Variants in KIAA1217 observed in about 807,000 individuals in gnomAD.
KIAA1217 encodes sickle tail protein homolog.
Under a neutral mutation model 163.9 loss-of-function variants are expected in KIAA1217, and 88 were observed. The ratio of observed to expected loss-of-function variants is 0.54; its 90% CI spans 0.45 to 0.64. The LOEUF (loss-of-function observed/expected upper bound fraction) is 0.64, where lower values mean the gene tolerates loss of function less well. KIAA1217 is among the 30% of genes least tolerant of loss of function. KIAA1217 has a pLI of 0.00. For synonymous variants in KIAA1217, 903 were observed against 923.1 expected, an observed-to-expected ratio of 0.98 and a Z score of 0.39; for missense variants, 2,372 against 2,475.0, an observed-to-expected ratio of 0.96 and a Z score of 0.88.
intron 1 of KIAA1217, among the ~76,000 whole-genome samples, chr10:23,805,996 C>CAAAAA (rs71397917): frequency 0.017 from 509 of 29,602 alleles, no homozygotes; most frequent in Middle Eastern, 0.033. Context: ...AACTCCATCT[C>CAAAAA]AAAAAAAAAA....
chr10:23,954,740 C>T (rs1483126431), intron 1 of KIAA1217, among the ~76,000 whole-genome samples: 1 of 152,088 alleles, frequency 6.6e-6, no homozygotes, highest in African/African-American at 2.4e-5. Flanking sequence ...CTTTAATCCT[C>T]GGAGCAAACT....
intron 5 of KIAA1217, among the ~76,000 whole-genome samples, chr10:24,464,184 C>G (rs2062706856): frequency 6.6e-6 from 1 of 152,186 alleles, no homozygotes; most frequent in Non-Finnish European, 1.5e-5. Flanking sequence ...CTTGGGTGAG[C>G]TTGGCGCTTG....
chr10:24,270,664 C>T (rs1294315003), intron 2 of KIAA1217, among the ~76,000 whole-genome samples: 1 of 152,168 alleles, frequency 6.6e-6, no homozygotes, highest in African/African-American at 2.4e-5. Flanking sequence ...CCTCAGCCGC[C>T]TAAGTAACTG....
At chr10:24,424,460 G>T (rs1162319282) in intron 3 of KIAA1217, among the ~76,000 whole-genome samples, 3 of 152,168 alleles carry the variant, frequency 2.0e-5, no homozygotes, top group Admixed American at 6.5e-5. Context: ...GATTGCTTTT[G>T]TACTCCCGAG....
intron 2 of KIAA1217, among the ~76,000 whole-genome samples, chr10:24,241,104 C>A (rs940125630): frequency 6.6e-6 from 1 of 152,248 alleles, no homozygotes; most frequent in East Asian, 1.9e-4. Flanking sequence ...ACCTTGGCCT[C>A]CCGAAATGCT....
At chr10:24,542,854 T>A in intron 18 of KIAA1217, 29 bp from the exon 19 acceptor site, 4 of 1,609,948 alleles carry the variant, frequency 2.5e-6, no homozygotes, top group Non-Finnish European at 3.4e-6. Flanking sequence ...TTAACGTGTG[T>A]GGTTTCCCTC....
chr10:24,362,194 T>A (rs2050123422), intron 2 of KIAA1217, among the ~76,000 whole-genome samples: 1 of 152,054 alleles, frequency 6.6e-6, no homozygotes, highest in Non-Finnish European at 1.5e-5. Context: ...TCTCACTTCA[T>A]CCTCCCAGCA....
At chr10:24,435,729 G>A (rs527599103) in intron 4 of KIAA1217, among the ~76,000 whole-genome samples, 1 of 151,936 alleles carries the variant, frequency 6.6e-6, no homozygotes, top group African/African-American at 2.4e-5. Context: ...ATGAGAGGGA[G>A]GAAAAAGAAG....
At chr10:24,054,159 G>A (rs1361566471) in intron 2 of KIAA1217, among the ~76,000 whole-genome samples, 2 of 152,152 alleles carry the variant, frequency 1.3e-5, no homozygotes, top group Non-Finnish European at 2.9e-5. Flanking sequence ...GCAAAGTGAT[G>A]GAGAGTAATG....
chr10:24,504,521 A>G (rs1027008957), intron 9 of KIAA1217, among the ~76,000 whole-genome samples: 1 of 152,196 alleles, frequency 6.6e-6, no homozygotes, highest in Non-Finnish European at 1.5e-5. Flanking sequence ...ATTCTCCTTC[A>G]ACATGTGCGG....
chr10:24,168,507 G>A (rs2065464300), intron 2 of KIAA1217, among the ~76,000 whole-genome samples: 1 of 152,152 alleles, frequency 6.6e-6, no homozygotes, highest in Admixed American at 6.5e-5. Context: ...AGACAGTGGG[G>A]GTGTGGACCA....
At chr10:24,435,590 G>A (rs1474243760) in intron 4 of KIAA1217, among the ~76,000 whole-genome samples, 1 of 152,208 alleles carries the variant, frequency 6.6e-6, no homozygotes, top group Non-Finnish European at 1.5e-5. Flanking sequence ...CTTGCAGCCT[G>A]TGCAAGGATT....
chr10:23,708,780 A>T (rs991699857), intron 1 of KIAA1217, among the ~76,000 whole-genome samples: 1 of 152,180 alleles, frequency 6.6e-6, no homozygotes, highest in South Asian at 2.1e-4. Context: ...TGCAAAAAAC[A>T]TATATGGATG....
In KIAA1217 at chr10:23,876,550, G is replaced by A. The variant is rs541468653; in HGVS notation, c.-320-130675G>A. The stretch of plus-strand genomic sequence containing the variant: ...CTCCAGTTTTATATGGTACCGTAGT[G>A]GATATAAAGCATGATTTATGATTAT... On this transcript the variant is annotated intron_variant, in intron 1 of 18. Coordinates refer to the KIAA1217 transcript ENST00000376462. 5.9e-5 allele frequency among the ~76,000 whole-genome samples: 9 copies of A among 151,978 alleles called. No homozygotes were observed. In the South Asian group the frequency reaches 1.7e-3, roughly 28 times the overall value.
intron 1 of KIAA1217, among the ~76,000 whole-genome samples, chr10:23,945,401 A>T (rs1179747148): frequency 6.6e-6 from 1 of 152,226 alleles, no homozygotes; most frequent in African/African-American, 2.4e-5. Flanking sequence ...ATTAATATGA[A>T]GTTCAAAAAG....
intron 2 of KIAA1217, among the ~76,000 whole-genome samples, chr10:24,017,924 G>T (rs1847560268): frequency 6.6e-6 from 1 of 152,030 alleles, no homozygotes; most frequent in African/African-American, 2.4e-5. Flanking sequence ...GGAGATAATT[G>T]CTTGCCTCAC....
chr10:24,331,861 G>A (rs1185878614), intron 2 of KIAA1217, among the ~76,000 whole-genome samples: 3 of 152,154 alleles, frequency 2.0e-5, no homozygotes, highest in East Asian at 1.9e-4. Context: ...GTGCAATGGC[G>A]CGATCTCAGC....
intron 2 of KIAA1217, among the ~76,000 whole-genome samples, chr10:24,284,763 A>G (rs2132302633): frequency 6.6e-6 from 1 of 152,284 alleles, no homozygotes; most frequent in South Asian, 2.1e-4. Flanking sequence ...CCCAATAAGG[A>G]GATTGCTAGG....
chr10:23,785,497 A>G (rs916811467), intron 1 of KIAA1217, among the ~76,000 whole-genome samples: 4 of 152,178 alleles, frequency 2.6e-5, no homozygotes, highest in Admixed American at 6.6e-5. Context: ...TGAAGTGTTC[A>G]TCTATTTTAT....
Sources: allele counts gnomAD v4.1 joint callset (sites outside exome capture counted in the v4.1 genomes callset), GRCh38; gene constraint gnomAD v4.1.1; transcripts MANE v1.5; gene names NCBI Gene and HGNC (gene_info 2026-07-23, HGNC 2026-07-21).